Variants in OCIAD1 observed in about 807,000 individuals in gnomAD.
OCIAD1 encodes the protein OCIA domain containing 1.
Under a neutral mutation model 38.9 loss-of-function variants are expected in OCIAD1, and 29 were observed. That is an observed-to-expected ratio of 0.74 (90% CI 0.55 to 1.02). The LOEUF is 1.02. Among genes scored for constraint, OCIAD1 ranks in the 50% least tolerant of loss-of-function variants. The pLI, the probability that OCIAD1 is intolerant of heterozygous loss-of-function variation, is 0.00. For missense variants in OCIAD1, 288 were observed against 289.6 expected (o/e 0.99, Z 0.04); for synonymous variants, 110 against 92.0 (o/e 1.20, Z -1.12).
Position 48,832,624 on chromosome 4 carries a change from G to T in OCIAD1, c.-1G>T. On this transcript the variant is annotated 5_prime_UTR_variant, in exon 2 of 9. Coordinates refer to ENST00000264312, the MANE Select transcript of OCIAD1 (RefSeq NM_017830.4). ...TATGTAATGTTTTTGATACAGGAAA[G>T]ATGAATGGGAGGGCTGATTTTCGAG... 6.2e-7 allele frequency: 1 copy of T among 1,612,118 alleles called. No homozygotes were observed. Among genetic ancestry groups the T allele is most frequent in the South Asian group, 1.1e-5 (1 of 91,040 alleles).
chr4:48,850,030 C>T lies in OCIAD1; in HGVS notation c.325C>T (p.Pro109Ser). Residue 109 changes from proline (P) to serine (S), a missense_variant, in exon 6 of 9, where the codon CCC becomes TCC. Transcript: ENST00000264312. The part of the protein sequence containing the change: ...QEKFKKLENS[P>S]LGEALRSGQA... ...GAAATTCAAGAAACTTGAAAATTCCCCCCTTGGAGAAGCTTTACGATCAGG... is the reference window on the plus strand; with the variant it reads ...GAAATTCAAGAAACTTGAAAATTCCTCCCTTGGAGAAGCTTTACGATCAGG... 1 of 1,613,324 alleles carries T rather than the reference C, an allele frequency of 6.2e-7. No homozygotes were observed. Among genetic ancestry groups the T allele is most frequent in the Non-Finnish European group, 8.5e-7 (1 of 1,179,756 alleles).
intron 3 of OCIAD1, among the ~76,000 whole-genome samples, chr4:48,834,776 T>C (rs1777830147): frequency 1.3e-5 from 2 of 151,956 alleles, no homozygotes; most frequent in Non-Finnish European, 2.9e-5. Context: ...CCAGACCCTG[T>C]CTCAAAGAAA....
At chr4:48,853,193 A>G (rs1334368051) in intron 7 of OCIAD1, among the ~76,000 whole-genome samples, 1 of 151,934 alleles carries the variant, frequency 6.6e-6, no homozygotes. Context: ...TTTGTTTTTT[A>G]ATAATTAAAC....
At chr4:48,821,302 CATG>C (rs1777192320) in intron 1 of OCIAD1, among the ~76,000 whole-genome samples, 2 of 152,200 alleles carry the variant, frequency 1.3e-5, no homozygotes, top group South Asian at 4.1e-4. Context: ...ACAAGAACCA[CATG>C]ATTATCTCAA....
upstream of OCIAD1, among the ~76,000 whole-genome samples, chr4:48,828,473 C>G (rs1777274163): frequency 6.6e-6 from 1 of 152,188 alleles, no homozygotes; most frequent in South Asian, 2.1e-4. Flanking sequence ...ACTGTGGAAG[C>G]TTTGTTCTTT....
At chr4:48,811,844 C>T (rs894706048) in intron 1 of OCIAD1, among the ~76,000 whole-genome samples, 3 of 151,910 alleles carry the variant, frequency 2.0e-5, no homozygotes, top group African/African-American at 7.3e-5. Flanking sequence ...ATGAGGAAGA[C>T]TGAAAAGAAA....
At position 48,861,222 on chromosome 4, in the gene OCIAD1, G is replaced by A. The variant is rs1436043447; in HGVS notation, c.*460G>A. ...TTTCTGTATTATCTTAATGTTTATG[G>A]CAAATAAAATGTAAAGGAACATGCA... On this transcript the variant is annotated 3_prime_UTR_variant, in exon 9 of 9. Transcript: ENST00000264312. The A allele has an allele frequency of 6.5e-6, 1 of 153,168 alleles. No individual in the cohort carries two copies. The allele number at this position is 153,168 out of a possible 1,614,324, so 9.5% of individuals were successfully genotyped here.
intron 3 of OCIAD1, among the ~76,000 whole-genome samples, chr4:48,840,597 TG>T (rs1428524074): frequency 2.0e-5 from 3 of 152,222 alleles, no homozygotes; most frequent in Non-Finnish European, 4.4e-5. Context: ...TTAATTACTT[TG>T]GTTCTTAAAT....
chr4:48,854,501 A>T (rs1410234002), intron 7 of OCIAD1, among the ~76,000 whole-genome samples: 1 of 152,130 alleles, frequency 6.6e-6, no homozygotes, highest in East Asian at 1.9e-4. Flanking sequence ...ACATGCACTA[A>T]CTCTTTCCTT....
At chr4:48,813,544 C>A (rs1777112587) in intron 1 of OCIAD1, among the ~76,000 whole-genome samples, 1 of 152,194 alleles carries the variant, frequency 6.6e-6, no homozygotes, top group South Asian at 2.1e-4. Context: ...GTCCCAGCTA[C>A]TTGGGAGGCT....
At chr4:48,835,574 C>G (rs1376104292) in intron 3 of OCIAD1, among the ~76,000 whole-genome samples, 1 of 152,110 alleles carries the variant, frequency 6.6e-6, no homozygotes, top group Non-Finnish European at 1.5e-5. Flanking sequence ...TGGCTCACAC[C>G]TGTAATCCCA....
upstream of OCIAD1, among the ~76,000 whole-genome samples, chr4:48,828,677 T>A (rs1184481543): frequency 7.2e-5 from 11 of 152,062 alleles, no homozygotes; most frequent in African/African-American, 2.7e-4. Flanking sequence ...GCTGTAACAC[T>A]CACTGCGAAG....
Position 48,860,785 on chromosome 4 carries a change from A to G in OCIAD1, c.*23A>G. ...TGAAAAATTACATCATTGGACATGA[A>G]GGAGTTTCAACATCCAGCTTCATCT... On this transcript the variant is annotated 3_prime_UTR_variant, in exon 9 of 9. Transcript: ENST00000264312. 6.3e-7 allele frequency: 1 copy of G among 1,582,318 alleles called. No homozygotes were observed. Among genetic ancestry groups the G allele is most frequent in the Non-Finnish European group, 8.7e-7 (1 of 1,152,342 alleles).
chr4:48,855,536 G>T (rs1163862178), intron 7 of OCIAD1, among the ~76,000 whole-genome samples: 1 of 152,124 alleles, frequency 6.6e-6, no homozygotes, highest in African/African-American at 2.4e-5. Context: ...GGTTGAAAAT[G>T]GCTGGGTGCA....
Position 48,810,099 on chromosome 4 carries a change from G to T in OCIAD1, c.-103+4769G>T, listed in dbSNP as rs545055310. Among the ~76,000 whole-genome samples, 32 of 152,088 alleles carry T rather than the reference G, an allele frequency of 2.1e-4. 1 individual carries two copies. In the South Asian group the frequency reaches 2.3e-3, roughly 11 times the overall value. On this transcript the variant is annotated intron_variant, in intron 1 of 6. Transcript: ENST00000504654. ...ATGTAACATTCTTAGAACAGTGCCT[G>T]GTGCTTGCGAAATATTAGATATTAT...
At chr4:48,857,149 A>C in intron 7 of OCIAD1, 64 bp from the exon 8 acceptor site, 1 of 1,023,312 alleles carries the variant, frequency 9.8e-7, no homozygotes, top group East Asian at 2.8e-5. Flanking sequence ...CATTTGTAAA[A>C]TTTAGTTGCT....
At chr4:48,845,817 T>G (rs779785848) in intron 4 of OCIAD1, among the ~76,000 whole-genome samples, 9 of 152,248 alleles carry the variant, frequency 5.9e-5, no homozygotes, top group Non-Finnish European at 1.0e-4. Flanking sequence ...TAATGTCTTT[T>G]AGCTCTTAAA....
At chr4:48,805,682 C>T (rs1420153468) in intron 1 of OCIAD1, among the ~76,000 whole-genome samples, 1 of 149,304 alleles carries the variant, frequency 6.7e-6, no homozygotes, top group Non-Finnish European at 1.5e-5. Flanking sequence ...AGACCCCCAT[C>T]TCTTAAAAAA....
At chr4:48,813,408 C>T (rs1006149036) in intron 1 of OCIAD1, among the ~76,000 whole-genome samples, 3 of 152,174 alleles carry the variant, frequency 2.0e-5, no homozygotes, top group African/African-American at 7.2e-5. Context: ...AATCCCAGCT[C>T]CTTGGGAGGC....
Sources: gnomAD v4.1 joint callset for allele counts (sites outside exome capture counted in the v4.1 genomes callset) on GRCh38, gnomAD v4.1.1 for gene constraint, MANE v1.5 for transcripts, NCBI Gene and HGNC (gene_info 2026-07-23, HGNC 2026-07-21) for gene names.